The following CPNE9 variants were observed in gnomAD, a reference collection of about 807,000 sequenced individuals.
The protein encoded by CPNE9 is copine family member 9.
CPNE9 carries 59 observed loss-of-function variants against 83.0 expected under a neutral mutation model. The observed-to-expected ratio is 0.71, with a 90% confidence interval of 0.58 to 0.88. CPNE9 has a LOEUF of 0.88. Ranked by LOEUF, CPNE9 falls within the 40% of genes least tolerant of loss-of-function variation. The pLI, the probability that CPNE9 is intolerant of heterozygous loss-of-function variation, is 0.00. For missense variants in CPNE9, 619 were observed against 720.8 expected (o/e 0.86, Z 1.62); for synonymous variants, 256 against 273.4 (o/e 0.94, Z 0.63).
intron 7 of CPNE9, among the ~76,000 whole-genome samples, chr3:9,711,885 C>T (rs1250494955): frequency 2.0e-5 from 3 of 152,144 alleles, no homozygotes; most frequent in African/African-American, 7.2e-5. Flanking sequence ...TCAGCTTTGA[C>T]CTAACAAGCT....
intron 4 of CPNE9, 38 bp from the exon 5 acceptor site, chr3:9,705,426 C>T (rs2076552669): frequency 9.3e-7 from 1 of 1,074,804 alleles, no homozygotes; most frequent in East Asian, 2.6e-5. Context: ...CTCTCCCCCA[C>T]CCAGCCCCAC....
chr3:9,728,759 C>G (rs376707679), intron 20 of CPNE9, among the ~76,000 whole-genome samples: 4 of 151,752 alleles, frequency 2.6e-5, no homozygotes, highest in Admixed American at 6.6e-5. Flanking sequence ...CCTCTCCCCC[C>G]ACATCTCATT....
Position 9,715,259 on chromosome 3 carries a change from T to A in CPNE9, c.693-30T>A, listed in dbSNP as rs1225536990. 9.9e-6 allele frequency: 16 copies of A among 1,611,534 alleles called. No individual in the cohort carries two copies. In the South Asian group the frequency reaches 1.3e-4, roughly 13 times the overall value. The stretch of plus-strand genomic sequence containing the variant: ...GCTCTGGTTCCAAACCAGCAGCACC[T>A]GCTGCTTAGCCACGCCCACCTCATT... On this transcript the variant is annotated intron_variant, in intron 11 of 20. Transcript: ENST00000383832.
intron 5 of CPNE9, 36 bp downstream of exon 5, chr3:9,705,536 A>C: frequency 6.2e-7 from 1 of 1,603,576 alleles, no homozygotes; most frequent in Non-Finnish European, 8.5e-7. Context: ...GGCGGAGCGC[A>C]CAGGAGGCAC....
chr3:9,704,474 G>T lies in CPNE9; in HGVS notation c.69-113G>T. 3 of 907,278 alleles carry T rather than the reference G, an allele frequency of 3.3e-6. No homozygotes were observed. Among genetic ancestry groups the T allele is most frequent in the Non-Finnish European group, 5.6e-6 (3 of 536,662 alleles). The allele number at this position is 907,278 out of a possible 1,614,324, so 56.2% of individuals were successfully genotyped here. On this transcript the variant is annotated intron_variant, in intron 1 of 20. Coordinates refer to ENST00000383832, the MANE Select transcript of CPNE9 (RefSeq NM_153635.3). The surrounding 1 kb of genome is among the most constrained non-coding windows in gnomAD (Gnocchi z 7.1). Reference sequence around the variant, plus strand: ...GACCCCGGCTGGGGGTAGCCATGGGGGACAGAGGTTCGATGCGGGCCCCAT... The same window carrying T: ...GACCCCGGCTGGGGGTAGCCATGGGTGACAGAGGTTCGATGCGGGCCCCAT...
In CPNE9 at chr3:9,725,576, ATATATATGTG is replaced by A. The variant is rs779326648; in HGVS notation, c.1242-365_1242-356del. Among the ~76,000 whole-genome samples, 297 of 150,058 alleles carry A rather than the reference ATATATATGTG, an allele frequency of 2.0e-3. 3 individuals carry two copies. Among genetic ancestry groups the A allele is most frequent in the South Asian group, 8.4e-3 (40 of 4,776 alleles). Reference sequence around the variant, plus strand: ...AAAAAATGTGTGTGTATGGATATATATATATATGTGTATATATATGTGTATATGTATGTGT... The same window carrying A: ...AAAAAATGTGTGTGTATGGATATATATATATATATGTGTATATGTATGTGT... On this transcript the variant is annotated intron_variant, in intron 17 of 20. Transcript: ENST00000383832.
chr3:9,718,356 C>A, intron 16 of CPNE9, 119 bp from the exon 17 acceptor site: 1 of 1,441,856 alleles, frequency 6.9e-7, no homozygotes. Flanking sequence ...GGGAGCAGGG[C>A]TGGGTTTGGA....
In CPNE9 at chr3:9,712,757, G is replaced by A. The variant is rs2076642317; in HGVS notation, c.474G>A (p.Lys158=). Residue 158 remains lysine (K), a synonymous_variant, in exon 9 of 21, where the codon AAG becomes AAA. Transcript: ENST00000383832. ...DIATMQLCAN[K]LDKKDFFGKS... ...CCACCATGCAGCTGTGTGCAAACAA[G>A]CTGGACAAGAAGGACTTCTTTGGGA... 1 of 1,614,168 alleles carries A rather than the reference G, an allele frequency of 6.2e-7. No individual in the cohort carries two copies. Among genetic ancestry groups the A allele is most frequent in the Non-Finnish European group, 8.5e-7 (1 of 1,180,034 alleles).
At position 9,712,733 on chromosome 3, in the gene CPNE9, C is replaced by T; in HGVS notation, c.450C>T (p.Ala150=). Residue 150 remains alanine (A), a synonymous_variant, in exon 9 of 21, where the codon GCC becomes GCT. Transcript: ENST00000383832. Reference sequence around the variant, plus strand: ...ACTTCATCCATCCCTAGGACATTGCCACCATGCAGCTGTGTGCAAACAAGC... The same window carrying T: ...ACTTCATCCATCCCTAGGACATTGCTACCATGCAGCTGTGTGCAAACAAGC... ...AEELSNCRDI[A]TMQLCANKLD... is the part of the protein sequence containing the mutation. The T allele has an allele frequency of 6.2e-7, 1 of 1,614,088 alleles. No homozygotes were observed. The highest frequency in any genetic ancestry group is 8.5e-7 in the Non-Finnish European group (1 of 1,179,968).
At chr3:9,718,657 AC>A in intron 17 of CPNE9, 55 bp downstream of exon 17, 6 of 1,585,808 alleles carry the variant, frequency 3.8e-6, no homozygotes, top group Non-Finnish European at 4.3e-6. Flanking sequence ...TAAGGGATTG[AC>A]CCCCCAAGGA....
chr3:9,728,245 T>C (rs758164270), intron 20 of CPNE9, among the ~76,000 whole-genome samples: 8 of 152,208 alleles, frequency 5.3e-5, no homozygotes, highest in African/African-American at 7.2e-5. Context: ...CCCAACACTT[T>C]GGTAGGCCAA....
At chr3:9,717,418 G>A (rs970601361) in intron 15 of CPNE9, among the ~76,000 whole-genome samples, 1 of 152,158 alleles carries the variant, frequency 6.6e-6, no homozygotes, top group Non-Finnish European at 1.5e-5. Context: ...AACAAATGGA[G>A]TGGGTACATG....
chr3:9,716,145 A>G, intron 14 of CPNE9, 110 bp downstream of exon 14: 4 of 943,286 alleles, frequency 4.2e-6, no homozygotes, highest in Non-Finnish European at 6.5e-6. Flanking sequence ...GACCATGGAG[A>G]TAAACTTTAA....
At position 9,729,847 on chromosome 3, in the gene CPNE9, G is replaced by C. The variant is rs2076814293; in HGVS notation, c.*155G>C. The C allele has an allele frequency of 9.1e-7, 1 of 1,093,120 alleles. No homozygotes were observed. The highest frequency in any genetic ancestry group is 1.6e-5 in the African/African-American group (1 of 63,324). 67.7% of individuals were successfully genotyped at this position (1,093,120 alleles called of 1,614,324 possible). ...AGCCCTCCGCCTCCTTGCCTGCAGA[G>C]GGCCTGGCACTATCACCACCTCTCT... On this transcript the variant is annotated 3_prime_UTR_variant, in exon 21 of 21. Coordinates refer to ENST00000383832, the MANE Select transcript of CPNE9 (RefSeq NM_153635.3).
chr3:9,726,623 G>A (rs752602704), intron 18 of CPNE9, 42 bp from the exon 19 acceptor site: 1 of 1,514,284 alleles, frequency 6.6e-7, no homozygotes, highest in Admixed American at 1.7e-5. Context: ...CCTCCCTAGT[G>A]ATGCCTGCTT....
In CPNE9 at chr3:9,704,871, C is replaced by A; in HGVS notation, c.157-20C>A. On this transcript the variant is annotated intron_variant, in intron 3 of 20. Transcript: ENST00000383832. This position sits in a 1 kb window ranked among gnomAD's most constrained non-coding sequence, Gnocchi z 7.1. ...TGCCCGTCTGCACGTCCCACGCTGA[C>A]CCTCCACCCCCCTACCCAGTTCGGA... 1.2e-6 allele frequency: 2 copies of A among 1,607,194 alleles called. No individual in the cohort carries two copies. The highest frequency in any genetic ancestry group is 1.7e-6 in the Non-Finnish European group (2 of 1,175,192).
intron 7 of CPNE9, among the ~76,000 whole-genome samples, chr3:9,706,311 A>C (rs1575115340): frequency 8.2e-5 from 10 of 122,352 alleles, no homozygotes; most frequent in Admixed American, 8.7e-5. Context: ...CTCTCTCCTC[A>C]CTCTTTTTCT....
intron 7 of CPNE9, among the ~76,000 whole-genome samples, chr3:9,708,211 C>A (rs1001220362): frequency 3.3e-5 from 5 of 152,202 alleles, no homozygotes; most frequent in Non-Finnish European, 7.3e-5. Context: ...CTTGGCCTCC[C>A]AAAGTGCTGG....
At chr3:9,729,430 A>G in intron 20 of CPNE9, 77 bp from the exon 21 acceptor site, 1 of 1,494,078 alleles carries the variant, frequency 6.7e-7, no homozygotes, top group Non-Finnish European at 9.0e-7. Context: ...GGGGATCAAA[A>G]AAGAAGCCTC....
Sources: gnomAD v4.1 joint callset for allele counts (sites outside exome capture counted in the v4.1 genomes callset) on GRCh38, gnomAD v4.1.1 for gene constraint, Gnocchi (gnomAD v3.1) non-coding constraint, MANE v1.5 for transcripts, NCBI Gene and HGNC (gene_info 2026-07-23, HGNC 2026-07-21) for gene names.